MDGA2: variants seen among roughly 807,000 people sequenced by gnomAD.
The protein encoded by MDGA2 is MAM domain containing glycosylphosphatidylinositol anchor 2.
In MDGA2, 40 loss-of-function variants were observed where a neutral mutation model predicts 117.8. The ratio of observed to expected loss-of-function variants is 0.34; its 90% CI spans 0.26 to 0.44. MDGA2 has a LOEUF of 0.44. Ranked by LOEUF, MDGA2 falls within the 20% of genes least tolerant of loss-of-function variation. MDGA2 has a pLI of 1.00. For synonymous variants in MDGA2, 452 were observed against 439.0 expected, an observed-to-expected ratio of 1.03 and a Z score of -0.37; for missense variants, 1,123 against 1,250.6, an observed-to-expected ratio of 0.90 and a Z score of 1.54.
chr14:47,226,967 T>C (rs764832701), intron 2 of MDGA2, among the ~76,000 whole-genome samples: 2 of 152,092 alleles, frequency 1.3e-5, no homozygotes, highest in Non-Finnish European at 2.9e-5. Flanking sequence ...CACCCTCCGG[T>C]CCTCCAGATA....
intron 1 of MDGA2, among the ~76,000 whole-genome samples, chr14:47,448,319 A>AGTAGAGACAGGGTTTT (rs1431927234): frequency 3.3e-5 from 5 of 151,790 alleles, no homozygotes; most frequent in Admixed American, 2.0e-4. Context: ...TTGTATTTTT[A>AGTAGAGACAGGGTTTT]GTAGAGACAG....
At chr14:46,925,771 A>G (rs1737780754) in intron 9 of MDGA2, among the ~76,000 whole-genome samples, 1 of 152,180 alleles carries the variant, frequency 6.6e-6, no homozygotes, top group Admixed American at 6.6e-5. Context: ...GGACCAAAGA[A>G]AGGCTTCACA....
intron 1 of MDGA2, among the ~76,000 whole-genome samples, chr14:47,477,117 G>C (rs551667280): frequency 6.6e-6 from 1 of 152,192 alleles, no homozygotes; most frequent in Non-Finnish European, 1.5e-5. Context: ...AGCCGAGATC[G>C]TGCCATTGCA....
intron 1 of MDGA2, among the ~76,000 whole-genome samples, chr14:47,639,160 C>A (rs1897376394): frequency 6.6e-6 from 1 of 152,116 alleles, no homozygotes; most frequent in Admixed American, 6.6e-5. Flanking sequence ...GCACTTATCA[C>A]CACCTGATAT....
chr14:47,408,878 A>G (rs914687998), intron 1 of MDGA2, among the ~76,000 whole-genome samples: 4 of 152,160 alleles, frequency 2.6e-5, no homozygotes, highest in Non-Finnish European at 5.9e-5. Flanking sequence ...AGAAGGTAAT[A>G]TTTGAGAAAA....
At chr14:47,302,595 G>T (rs1361198415) in intron 1 of MDGA2, among the ~76,000 whole-genome samples, 1 of 151,986 alleles carries the variant, frequency 6.6e-6, no homozygotes. Flanking sequence ...GCCAGTGCCA[G>T]CATATTAGGA....
chr14:46,930,445 A>G (rs1023813013), intron 9 of MDGA2, among the ~76,000 whole-genome samples: 3 of 152,176 alleles, frequency 2.0e-5, no homozygotes, highest in African/African-American at 7.2e-5. Flanking sequence ...TGGTAAATAA[A>G]AACAGTAATA....
At chr14:47,596,947 G>C (rs539328461) in intron 1 of MDGA2, among the ~76,000 whole-genome samples, 33 of 152,220 alleles carry the variant, frequency 2.2e-4, no homozygotes, top group Non-Finnish European at 4.0e-4. Flanking sequence ...AGCCCATTCT[G>C]TAAGAGCCCT....
At chr14:47,627,684 AAG>A (rs1255353503) in intron 1 of MDGA2, among the ~76,000 whole-genome samples, 1 of 152,134 alleles carries the variant, frequency 6.6e-6, no homozygotes, top group African/African-American at 2.4e-5. Context: ...AGGGCCGGAT[AAG>A]AGAATAAAAG....
intron 1 of MDGA2, among the ~76,000 whole-genome samples, chr14:47,571,216 G>A (rs938084822): frequency 9.9e-5 from 15 of 152,162 alleles, no homozygotes; most frequent in African/African-American, 3.6e-4. Flanking sequence ...ACCATCTCAT[G>A]CTGGTTAGAA....
At chr14:47,031,078 C>T (rs71418129) in intron 8 of MDGA2, among the ~76,000 whole-genome samples, 7,512 of 151,994 alleles carry the variant, frequency 0.049, 237 homozygotes, top group Middle Eastern at 0.075. Context: ...GTAAGTAATT[C>T]AAAAAGTTTG....
At chr14:47,042,061 T>C (rs536053535) in intron 7 of MDGA2, among the ~76,000 whole-genome samples, 3 of 152,210 alleles carry the variant, frequency 2.0e-5, no homozygotes, top group Admixed American at 2.0e-4. Context: ...AGCATGGCAC[T>C]AATTCAATTA....
chr14:47,431,439 T>C (rs1892797001), intron 1 of MDGA2, among the ~76,000 whole-genome samples: 1 of 152,170 alleles, frequency 6.6e-6, no homozygotes, highest in East Asian at 1.9e-4. Flanking sequence ...GCTATGGGAC[T>C]CATATGTGGA....
At chr14:47,329,881 G>A (rs902266143) in intron 1 of MDGA2, among the ~76,000 whole-genome samples, 15 of 151,868 alleles carry the variant, frequency 9.9e-5, no homozygotes, top group Admixed American at 3.3e-4. Context: ...ACCTTTAGAC[G>A]TCAACATTAA....
chr14:47,008,082 G>A (rs1887771698), intron 8 of MDGA2, among the ~76,000 whole-genome samples: 1 of 151,688 alleles, frequency 6.6e-6, no homozygotes, highest in Non-Finnish European at 1.5e-5. Context: ...GTGAACTACT[G>A]GATAACCATG....
chr14:47,392,007 C>T (rs1460263148), intron 1 of MDGA2, among the ~76,000 whole-genome samples: 1 of 152,046 alleles, frequency 6.6e-6, no homozygotes, highest in African/African-American at 2.4e-5. Flanking sequence ...TGTGCACATC[C>T]CGGTAATTCT....
chr14:47,665,379 T>A (rs1437101700), intron 1 of MDGA2, among the ~76,000 whole-genome samples: 1 of 152,334 alleles, frequency 6.6e-6, no homozygotes. Flanking sequence ...GAGGTGACAG[T>A]GTGCTGGCAG....
intron 3 of MDGA2, among the ~76,000 whole-genome samples, chr14:47,202,497 CCTT>C (rs1363945115): frequency 1.3e-5 from 2 of 152,158 alleles, no homozygotes; most frequent in Non-Finnish European, 2.9e-5. Context: ...AGACAACAAT[CCTT>C]CTTGGAGCTT....
At chr14:47,190,829 G>T (rs1443838664) in intron 3 of MDGA2, among the ~76,000 whole-genome samples, 1 of 152,084 alleles carries the variant, frequency 6.6e-6, no homozygotes, top group African/African-American at 2.4e-5. Context: ...GCTATAACTG[G>T]CTGGGGTAAC....
Sources: gnomAD v4.1 joint callset for allele counts (sites outside exome capture counted in the v4.1 genomes callset) on GRCh38, gnomAD v4.1.1 for gene constraint, MANE v1.5 for transcripts, NCBI Gene and HGNC (gene_info 2026-07-23, HGNC 2026-07-21) for gene names.